Variants in DNPEP observed in about 807,000 individuals in gnomAD.
The protein encoded by DNPEP is aspartyl aminopeptidase.
A neutral mutation model predicts 59.1 loss-of-function variants in DNPEP; 46 were observed. The ratio of observed to expected loss-of-function variants is 0.78; its 90% CI spans 0.61 to 0.99. The LOEUF (loss-of-function observed/expected upper bound fraction) is 0.99, where lower values mean the gene tolerates loss of function less well. Among genes scored for constraint, DNPEP ranks in the 50% least tolerant of loss-of-function variants. DNPEP has a pLI of 0.00. For missense variants in DNPEP, 617 were observed against 649.9 expected, an observed-to-expected ratio of 0.95 and a Z score of 0.55; for synonymous variants, 229 against 242.2, an observed-to-expected ratio of 0.95 and a Z score of 0.50.
intron 13 of DNPEP, among the ~76,000 whole-genome samples, chr2:219,380,971 G>A (rs764429306): frequency 6.6e-6 from 1 of 152,180 alleles, no homozygotes; most frequent in Non-Finnish European, 1.5e-5. Flanking sequence ...CCCAGGGTGT[G>A]TAGGAGACAC....
intron 10 of DNPEP, among the ~76,000 whole-genome samples, chr2:219,382,655 G>A (rs149406073): frequency 2.6e-5 from 4 of 152,290 alleles, no homozygotes; most frequent in East Asian, 1.9e-4. Flanking sequence ...CTAACTCAGT[G>A]TAGACATGAT....
chr2:219,384,830 A>G (rs1327171006), intron 8 of DNPEP: 5 of 195,094 alleles, frequency 2.6e-5, no homozygotes, highest in Non-Finnish European at 5.3e-5. Context: ...TCAGCCTCCC[A>G]AAGTGCTGGG....
chr2:219,398,295 G>C (rs1419864312), intron 1 of DNPEP, among the ~76,000 whole-genome samples: 5 of 152,200 alleles, frequency 3.3e-5, no homozygotes, highest in African/African-American at 1.2e-4. Flanking sequence ...TTTAGTGCCT[G>C]GCCTGACATG....
chr2:219,390,310 A>G (rs369997142), upstream of DNPEP, among the ~76,000 whole-genome samples: 20 of 152,226 alleles, frequency 1.3e-4, no homozygotes, highest in African/African-American at 4.1e-4. Flanking sequence ...TAGAATCCCC[A>G]AGAAAATAAA....
Position 219,395,168 on chromosome 2 carries a change from G to A in DNPEP, c.-158+4772C>T, listed in dbSNP as rs540482189. 1.2e-4 allele frequency among the ~76,000 whole-genome samples: 18 copies of A among 152,146 alleles called. No individual in the cohort carries two copies. In the South Asian group the frequency reaches 1.7e-3, roughly 14 times the overall value. ...TCACTATGTTGGCCAGGCTGGTCTC[G>A]AACTCCTGACCTCAAGCAATCTGCC... On this transcript the variant is annotated intron_variant, in intron 1 of 6. Transcript: ENST00000434339.
At chr2:219,398,988 A>T (rs1954142899) in intron 1 of DNPEP, among the ~76,000 whole-genome samples, 1 of 152,230 alleles carries the variant, frequency 6.6e-6, no homozygotes, top group South Asian at 2.1e-4. Flanking sequence ...TATTTTAGTG[A>T]ACAGGGCTGT....
At position 219,381,590 on chromosome 2, in the gene DNPEP, A is replaced by G; in HGVS notation, c.1098-6T>C. ...GGTTCTCCTCATGCTTGTCCCTGTA[A>G]GAGACAGATAAGGGCCAGACATAGC... On this transcript the variant is annotated splice_region_variant and splice_polypyrimidine_tract_variant and intron_variant, in intron 11 of 14. Coordinates refer to ENST00000273075, the MANE Select transcript of DNPEP (RefSeq NM_012100.4). The G allele has an allele frequency of 6.2e-7, 1 of 1,614,102 alleles. No individual in the cohort carries two copies. Among genetic ancestry groups the G allele is most frequent in the African/African-American group, 1.3e-5 (1 of 75,032 alleles).
upstream of DNPEP, among the ~76,000 whole-genome samples, chr2:219,389,645 C>T (rs555979570): frequency 1.3e-5 from 2 of 152,048 alleles, no homozygotes; most frequent in African/African-American, 4.8e-5. Flanking sequence ...GTCTGACCAA[C>T]ATGGTGAAAC....
intron 1 of DNPEP, 186 bp downstream of exon 1, chr2:219,387,573 C>T: frequency 6.6e-7 from 1 of 1,504,764 alleles, no homozygotes; most frequent in Admixed American, 2.1e-5. Flanking sequence ...CTCTCGCACC[C>T]ACCTAGTCTC....
intron 13 of DNPEP, among the ~76,000 whole-genome samples, chr2:219,375,722 C>CA (rs1953346448): frequency 1.3e-5 from 2 of 152,208 alleles, no homozygotes; most frequent in South Asian, 4.2e-4. Context: ...CCACCACGTT[C>CA]AGCTAATTAT....
rs1173678453 is a variant in DNPEP at position 219,386,054 on chromosome 2, C to T, written c.504G>A (p.Glu168=). 6 of 1,614,040 alleles carry T rather than the reference C, an allele frequency of 3.7e-6. No individual in the cohort carries two copies. In the African/African-American group the frequency reaches 5.3e-5, roughly 14 times the overall value. ...GGTGTGGGATGCGAAGAATGGGCCGCTCCACGTGCACCAGCTGCTGCTCCA... is the reference window on the plus strand; with the variant it reads ...GGTGTGGGATGCGAAGAATGGGCCGTTCCACGTGCACCAGCTGCTGCTCCA... The part of the protein sequence containing the change: ...GRLEQQLVHV[E]RPILRIPHLA... The change falls in exon 6 of 15, where the codon GAG becomes GAA. Residue 168 remains glutamate, a synonymous_variant. Coordinates refer to ENST00000273075, the MANE Select transcript of DNPEP (RefSeq NM_012100.4).
chr2:219,392,978 C>A (rs1954042340), upstream of DNPEP, among the ~76,000 whole-genome samples: 2 of 152,338 alleles, frequency 1.3e-5, no homozygotes, highest in South Asian at 4.1e-4. Flanking sequence ...CCAACCCTGA[C>A]TGCAACCAGC....
chr2:219,390,343 G>A (rs183817276), upstream of DNPEP, among the ~76,000 whole-genome samples: 1 of 152,222 alleles, frequency 6.6e-6, no homozygotes, highest in East Asian at 1.9e-4. Flanking sequence ...TATTAGAACT[G>A]GTAGGAAGGG....
upstream of DNPEP, among the ~76,000 whole-genome samples, chr2:219,392,451 G>A (rs527824333): frequency 6.6e-6 from 1 of 151,768 alleles, no homozygotes; most frequent in Non-Finnish European, 1.5e-5. Context: ...GGGTTCAAGT[G>A]ATTCTCCTGC....
In DNPEP at chr2:219,375,454, C is replaced by T. The variant is rs988937094; in HGVS notation, c.1240-432G>A. ...TCAAGGTTTTCAGTGTAAGAGAAAA[C>T]AGAATTACAAAATCAAATAGGTAGT... On this transcript the variant is annotated intron_variant, in intron 13 of 14. Transcript: ENST00000273075. Among the ~76,000 whole-genome samples the T allele has an allele frequency of 3.3e-5, 5 of 152,002 alleles. No individual in the cohort carries two copies. The South Asian group carries it at 1.0e-3, about 32-fold the overall frequency.
upstream of DNPEP, chr2:219,388,605 C>A (rs967065649): frequency 6.7e-6 from 5 of 750,462 alleles, no homozygotes; most frequent in African/African-American, 7.6e-5. Context: ...CCGCCAGGGC[C>A]CTCTGCTGCC....
intron 14 of DNPEP, among the ~76,000 whole-genome samples, chr2:219,374,548 GAGA>G (rs1388058175): frequency 6.6e-6 from 1 of 152,172 alleles, no homozygotes; most frequent in Non-Finnish European, 1.5e-5. Context: ...CCTGAGCCTT[GAGA>G]AGAATAAGGA....
rs1645934058 is a variant in DNPEP, at chr2:219,386,163, C to T, written c.460-65G>A. The T allele has an allele frequency of 6.0e-6, 9 of 1,509,224 alleles. No homozygotes were observed. The East Asian group carries it at 7.4e-5, about 12-fold the overall frequency. The allele number at this position is 1,509,224 out of a possible 1,614,324, so 93.5% of individuals were successfully genotyped here. A position where few individuals can be genotyped will look rare whatever the true frequency, so the allele number is the denominator to read the frequency against. ...ACCCCAGTGGTCAGTCTTTACTTCA[C>T]TCAGACTAAGCAGGGTGGTCCTCTG... On this transcript the variant is annotated intron_variant, in intron 5 of 14. Transcript: ENST00000273075.
upstream of DNPEP, among the ~76,000 whole-genome samples, chr2:219,390,889 A>G (rs58172856): frequency 3.5e-3 from 531 of 152,354 alleles, 3 homozygotes; most frequent in African/African-American, 0.011. Flanking sequence ...TGAGCAGATT[A>G]ACAAAAATGG....
Sources: allele counts gnomAD v4.1 joint callset (sites outside exome capture counted in the v4.1 genomes callset), GRCh38; gene constraint gnomAD v4.1.1; transcripts MANE v1.5; gene names NCBI Gene and HGNC (gene_info 2026-07-23, HGNC 2026-07-21).